Variants in TAFA5 observed in about 807,000 individuals in gnomAD.
TAFA5 encodes the protein chemokine-like protein TAFA-5.
TAFA5 carries 6 observed loss-of-function variants against 15.3 expected under a neutral mutation model. That is an observed-to-expected ratio of 0.39 (90% CI 0.21 to 0.77). The LOEUF (loss-of-function observed/expected upper bound fraction) is 0.77, where lower values mean the gene tolerates loss of function less well. Among genes scored for constraint, TAFA5 ranks in the 30% least tolerant of loss-of-function variants. TAFA5 has a pLI of 0.41. For missense variants in TAFA5, 161 were observed against 193.1 expected (o/e 0.83, Z 0.98); for synonymous variants, 103 against 80.7 (o/e 1.28, Z -1.48).
intron 2 of TAFA5, among the ~76,000 whole-genome samples, chr22:48,707,193 G>T (rs1364468314): frequency 7.9e-5 from 12 of 152,156 alleles, no homozygotes; most frequent in Non-Finnish European, 1.8e-4. Flanking sequence ...TGGGGGCCAG[G>T]GGTGGTTGTA....
In TAFA5 at chr22:48,639,962, G is replaced by A. The variant is rs952471741; in HGVS notation, c.113-6635G>A. 5.9e-5 allele frequency among the ~76,000 whole-genome samples: 9 copies of A among 152,292 alleles called. No homozygotes were observed. The East Asian group carries it at 1.7e-3, about 30-fold the overall frequency. On this transcript the variant is annotated intron_variant, in intron 1 of 3. Coordinates refer to ENST00000402357, the MANE Select transcript of TAFA5 (RefSeq NM_001082967.3). ...CACCCCCCCAACCCCGCCGCCCAAG[G>A]CCTGTGGCATCAGCTCTGTGAGCTG...
chr22:48,700,463 C>T (rs976896876), intron 2 of TAFA5, among the ~76,000 whole-genome samples: 8 of 152,144 alleles, frequency 5.3e-5, no homozygotes, highest in Admixed American at 1.3e-4. Flanking sequence ...TGAAAAAGAA[C>T]GGTCTCAGGA....
intron 1 of TAFA5, among the ~76,000 whole-genome samples, chr22:48,580,269 A>G (rs1265257161): frequency 6.6e-6 from 1 of 152,350 alleles, no homozygotes; most frequent in Non-Finnish European, 1.5e-5. Flanking sequence ...AGCTCCGTGA[A>G]GGCAATTGAT....
At chr22:48,711,287 T>C (rs1211976037) in intron 3 of TAFA5, among the ~76,000 whole-genome samples, 1 of 152,078 alleles carries the variant, frequency 6.6e-6, no homozygotes, top group South Asian at 2.1e-4. Context: ...TGTCGGGGGC[T>C]TGAAGACCTG....
chr22:48,601,960 A>G (rs1160448945), intron 1 of TAFA5, among the ~76,000 whole-genome samples: 2 of 91,894 alleles, frequency 2.2e-5, no homozygotes, highest in Admixed American at 1.0e-4. Context: ...TGGCTGGCAC[A>G]TACAGACCGT....
In TAFA5 at chr22:48,725,843, C is replaced by T. The variant is rs1929699951; in HGVS notation, c.390+17999C>T. Reference sequence around the variant, plus strand: ...CGTGGATGCTCCTGAGGGGGAACCTCAATGGCTCCAGCAGAAGGAAGAATC... The same window carrying T: ...CGTGGATGCTCCTGAGGGGGAACCTTAATGGCTCCAGCAGAAGGAAGAATC... On this transcript the variant is annotated intron_variant, in intron 3 of 3. Coordinates refer to ENST00000402357, the MANE Select transcript of TAFA5 (RefSeq NM_001082967.3). 3.9e-5 allele frequency among the ~76,000 whole-genome samples: 6 copies of T among 151,990 alleles called. No individual in the cohort carries two copies. The South Asian group carries it at 1.2e-3, about 32-fold the overall frequency.
chr22:48,688,415 TC>T lies in TAFA5; in HGVS notation c.263-19301del, dbSNP rs562602487. ...TTTTCTTTTTTGAGTGATTAACAGA[TC>T]AGCACTGAATAGCAAGGACCAGAGC... On this transcript the variant is annotated intron_variant, in intron 2 of 3. Coordinates refer to ENST00000402357, the MANE Select transcript of TAFA5 (RefSeq NM_001082967.3). Among the ~76,000 whole-genome samples the T allele has an allele frequency of 1.7e-3, 255 of 152,342 alleles. 1 individual carries two copies. Among genetic ancestry groups the T allele is most frequent in the Non-Finnish European group, 2.1e-3 (142 of 68,032 alleles).
At chr22:48,528,488 G>C (rs1921857043) in intron 1 of TAFA5, among the ~76,000 whole-genome samples, 1 of 152,134 alleles carries the variant, frequency 6.6e-6, no homozygotes, top group African/African-American at 2.4e-5. Flanking sequence ...ACCCAGCCCT[G>C]CCACACTCCT....
intron 3 of TAFA5, among the ~76,000 whole-genome samples, chr22:48,735,251 C>A (rs768887228): frequency 3.9e-5 from 6 of 152,168 alleles, no homozygotes; most frequent in Non-Finnish European, 8.8e-5. Flanking sequence ...TCTAGCCACC[C>A]CGACTGACCT....
chr22:48,660,544 C>T (rs957306510), intron 2 of TAFA5, among the ~76,000 whole-genome samples: 1 of 152,232 alleles, frequency 6.6e-6, no homozygotes, highest in Non-Finnish European at 1.5e-5. Context: ...CGATAAAATG[C>T]CCGGCAGCCC....
chr22:48,519,811 T>C lies in TAFA5; in HGVS notation c.112+30107T>C, dbSNP rs190300832. ...ACCTCTTGCCCATCCCAGTCATGGC[T>C]GCACCTTGGACCAGTCACCTAACCT... On this transcript the variant is annotated intron_variant, in intron 1 of 3. Transcript: ENST00000402357. Among the ~76,000 whole-genome samples, 666 of 152,300 alleles carry C rather than the reference T, an allele frequency of 4.4e-3. 9 individuals carry two copies. Among genetic ancestry groups the C allele is most frequent in the African/African-American group, 0.015 (643 of 41,576 alleles).
intron 1 of TAFA5, among the ~76,000 whole-genome samples, chr22:48,501,568 A>AT (rs143030256): frequency 0.027 from 4,091 of 152,050 alleles, 181 homozygotes; most frequent in African/African-American, 0.093. Flanking sequence ...CCGGGGAGAG[A>AT]TAGAGGAGGG....
At chr22:48,675,157 G>T (rs1481121979) in intron 2 of TAFA5, among the ~76,000 whole-genome samples, 2 of 152,222 alleles carry the variant, frequency 1.3e-5, no homozygotes, top group South Asian at 4.1e-4. Flanking sequence ...GGCCAGGCTG[G>T]TCTCGAACTC....
chr22:48,751,716 C>T lies in TAFA5; in HGVS notation c.*1869C>T, dbSNP rs1240760262. ...CCTGGAAAGGGTCCTTCCCAAGCTG[C>T]CCCGGCTCCGGCGGCCCGGGCCGGC... is the stretch of plus-strand genomic sequence containing the variant. On this transcript the variant is annotated 3_prime_UTR_variant, in exon 4 of 4. Transcript: ENST00000402357. The T allele has an allele frequency of 6.6e-6, 1 of 152,426 alleles. No individual in the cohort carries two copies. Among genetic ancestry groups the T allele is most frequent in the Non-Finnish European group, 1.5e-5 (1 of 68,046 alleles). The allele number at this position is 152,426 out of a possible 1,614,324, so 9.4% of individuals were successfully genotyped here.
intron 1 of TAFA5, among the ~76,000 whole-genome samples, chr22:48,632,920 C>T (rs6010520): frequency 0.084 from 12,735 of 152,242 alleles, 622 homozygotes; most frequent in East Asian, 0.19. Flanking sequence ...CCCCATGGGC[C>T]TGCAGCATCC....
At chr22:48,660,968 A>T (rs1927418642) in intron 2 of TAFA5, among the ~76,000 whole-genome samples, 1 of 151,752 alleles carries the variant, frequency 6.6e-6, no homozygotes, top group African/African-American at 2.4e-5. Context: ...TTCGGGGGAA[A>T]CTCTGACGCA....
intron 1 of TAFA5, among the ~76,000 whole-genome samples, chr22:48,641,259 G>A (rs1483793580): frequency 6.6e-6 from 1 of 152,158 alleles, no homozygotes; most frequent in Admixed American, 6.5e-5. Context: ...TTCCACAGAA[G>A]GGGGTCTCTG....
At chr22:48,698,178 G>A (rs1175542243) in intron 2 of TAFA5, among the ~76,000 whole-genome samples, 1 of 151,366 alleles carries the variant, frequency 6.6e-6, no homozygotes, top group African/African-American at 2.4e-5. Flanking sequence ...TAGTGATGAT[G>A]GTGGTGATGA....
At chr22:48,524,374 G>C (rs900105446) in intron 1 of TAFA5, among the ~76,000 whole-genome samples, 1 of 152,206 alleles carries the variant, frequency 6.6e-6, no homozygotes, top group African/African-American at 2.4e-5. Context: ...GGATGGAGAC[G>C]CCCTGCCCTG....
Sources: allele counts gnomAD v4.1 joint callset (sites outside exome capture counted in the v4.1 genomes callset), GRCh38; gene constraint gnomAD v4.1.1; transcripts MANE v1.5; gene names NCBI Gene and HGNC (gene_info 2026-07-23, HGNC 2026-07-21).